Variants in ANKRD6 observed in about 807,000 individuals in gnomAD.
ANKRD6 encodes ankyrin repeat domain-containing protein 6.
In ANKRD6, 56 loss-of-function variants were observed where a neutral mutation model predicts 82.3. That is an observed-to-expected ratio of 0.68 (90% CI 0.55 to 0.85). The LOEUF (loss-of-function observed/expected upper bound fraction) is 0.85, where lower values mean the gene tolerates loss of function less well. Ranked by LOEUF, ANKRD6 falls within the 40% of genes least tolerant of loss-of-function variation. The pLI, the probability that ANKRD6 is intolerant of heterozygous loss-of-function variation, is 0.00. For missense variants in ANKRD6, 852 were observed against 907.6 expected (o/e 0.94, Z 0.79); for synonymous variants, 347 against 352.1 (o/e 0.99, Z 0.16).
intron 1 of ANKRD6, among the ~76,000 whole-genome samples, chr6:89,544,587 G>A (rs1485439145): frequency 1.3e-5 from 2 of 152,042 alleles, no homozygotes; most frequent in African/African-American, 4.8e-5. Context: ...AGTGGCAGGC[G>A]CCTGTAGTTC....
intron 1 of ANKRD6, among the ~76,000 whole-genome samples, chr6:89,534,184 GC>G (rs1211003147): frequency 6.6e-6 from 1 of 152,102 alleles, no homozygotes; most frequent in East Asian, 1.9e-4. Context: ...CAATTTGATG[GC>G]TGACTTGCTG....
intron 2 of ANKRD6, among the ~76,000 whole-genome samples, chr6:89,591,534 G>T (rs1794908366): frequency 6.6e-6 from 1 of 152,174 alleles, no homozygotes; most frequent in Non-Finnish European, 1.5e-5. Context: ...GTGCCTCTAA[G>T]GATCAATTTT....
In ANKRD6 at chr6:89,632,538, T is replaced by A. The variant is rs1807611364; in HGVS notation, c.*1534T>A. 2 of 152,166 alleles carry A rather than the reference T, an allele frequency of 1.3e-5. No individual in the cohort carries two copies. The highest frequency in any genetic ancestry group is 4.8e-5 in the African/African-American group (2 of 41,412). The allele number at this position is 152,166 out of a possible 1,614,324, so 9.4% of individuals were successfully genotyped here. ...GGCTCGTGATCCTCCTGCCTCAACC[T>A]CGCAAGTAGCTTGGGACTACAGGCG... On this transcript the variant is annotated 3_prime_UTR_variant, in exon 16 of 16. Transcript: ENST00000339746.
At chr6:89,447,831 G>A (rs890898419) in intron 1 of ANKRD6, among the ~76,000 whole-genome samples, 2 of 134,274 alleles carry the variant, frequency 1.5e-5, no homozygotes, top group Non-Finnish European at 3.1e-5. Flanking sequence ...GGGATTACAG[G>A]CATGTGCCAC....
chr6:89,505,063 G>C (rs1779689811), intron 1 of ANKRD6: 1 of 152,240 alleles, frequency 6.6e-6, no homozygotes. Context: ...TATGGTTTTA[G>C]TTTCCCTGTG....
At chr6:89,548,993 T>C (rs952768292) in intron 1 of ANKRD6, among the ~76,000 whole-genome samples, 1 of 152,094 alleles carries the variant, frequency 6.6e-6, no homozygotes, top group Non-Finnish European at 1.5e-5. Context: ...AACTGCTTGA[T>C]CCTAGGAGTT....
chr6:89,453,563 T>G lies in ANKRD6; in HGVS notation c.-144+20188T>G, dbSNP rs1343143785. Among the ~76,000 whole-genome samples the G allele has an allele frequency of 5.0e-4, 76 of 151,998 alleles. 2 individuals are homozygous for G. The highest frequency in any genetic ancestry group is 5.9e-5 in the Non-Finnish European group (4 of 67,996). On this transcript the variant is annotated intron_variant, in intron 1 of 15. Transcript: ENST00000339746. ...AAGATTTTATACTTTGTGCTTTCAA[T>G]GTTGGGAAGTGCCTCCAACAATTCC...
intron 1 of ANKRD6, among the ~76,000 whole-genome samples, chr6:89,497,280 AAACTACT>A (rs1778738145): frequency 6.6e-6 from 1 of 152,214 alleles, no homozygotes; most frequent in Non-Finnish European, 1.5e-5. Flanking sequence ...TTGAAGCTTT[AAACTACT>A]ATTTCTTTAT....
chr6:89,583,014 C>T (rs1254499991), intron 2 of ANKRD6, among the ~76,000 whole-genome samples: 4 of 152,298 alleles, frequency 2.6e-5, no homozygotes, highest in South Asian at 2.1e-4. Flanking sequence ...ATTGACTGCA[C>T]GTGTAACCAC....
At position 89,600,005 on chromosome 6, in the gene ANKRD6, C is replaced by T. The variant is rs147880829; in HGVS notation, c.220-3024C>T. Among the ~76,000 whole-genome samples, 386 of 152,148 alleles carry T rather than the reference C, an allele frequency of 2.5e-3. 3 individuals carry two copies. The highest frequency in any genetic ancestry group is 9.0e-3 in the African/African-American group (372 of 41,502). The stretch of plus-strand genomic sequence containing the variant: ...GAAACAGGCAGGACAGCCAAAAGGT[C>T]CCCCAGAGGAAGGGGTGTGCAGGAC... On this transcript the variant is annotated intron_variant, in intron 3 of 15. Coordinates refer to ENST00000339746, the MANE Select transcript of ANKRD6 (RefSeq NM_001242809.2).
chr6:89,531,114 T>C (rs780739736), intron 1 of ANKRD6, among the ~76,000 whole-genome samples: 3 of 152,192 alleles, frequency 2.0e-5, no homozygotes, highest in Non-Finnish European at 4.4e-5. Context: ...TGTGTGTCTA[T>C]GGGAAGGAGA....
intron 2 of ANKRD6, among the ~76,000 whole-genome samples, chr6:89,592,826 C>T (rs1795164839): frequency 6.6e-6 from 1 of 152,154 alleles, no homozygotes; most frequent in Non-Finnish European, 1.5e-5. Flanking sequence ...ACATGGCTCA[C>T]ACCTGTAATC....
chr6:89,599,151 T>A (rs1346411876), intron 3 of ANKRD6, among the ~76,000 whole-genome samples: 1 of 152,058 alleles, frequency 6.6e-6, no homozygotes, highest in Non-Finnish European at 1.5e-5. Context: ...GGAGGAAGGA[T>A]TGCTTGAACC....
Position 89,601,356 on chromosome 6 carries a change from C to G in ANKRD6, c.220-1673C>G, listed in dbSNP as rs567083715. 4.6e-5 allele frequency among the ~76,000 whole-genome samples: 7 copies of G among 152,206 alleles called. No homozygotes were observed. In the South Asian group the frequency reaches 1.2e-3, roughly 27 times the overall value. On this transcript the variant is annotated intron_variant, in intron 3 of 15. Transcript: ENST00000339746. ...ATCTGTCCTCAGTGTCCTGACCCCCCCTCACTGCAGAAATTCCTTACCTTC... is the reference window on the plus strand; with the variant it reads ...ATCTGTCCTCAGTGTCCTGACCCCCGCTCACTGCAGAAATTCCTTACCTTC...
Position 89,621,847 on chromosome 6 carries a change from C to A in ANKRD6, c.793-75C>A, listed in dbSNP as rs1216297866. The A allele has an allele frequency of 2.1e-6, 3 of 1,431,940 alleles. No individual in the cohort carries two copies. In the East Asian group the frequency reaches 7.0e-5, roughly 33 times the overall value. 88.7% of individuals were successfully genotyped at this position (1,431,940 alleles called of 1,614,324 possible). ...TGTAAATTCCATTAGGTCAGAGCCC[C>A]AGGTCCAAGGAGAATTCTCTCACAC... On this transcript the variant is annotated intron_variant, in intron 9 of 15. Transcript: ENST00000339746.
chr6:89,472,766 A>G (rs1462328260), intron 1 of ANKRD6, among the ~76,000 whole-genome samples: 4 of 152,092 alleles, frequency 2.6e-5, no homozygotes, highest in African/African-American at 9.7e-5. Flanking sequence ...AGCTCATCCC[A>G]TTCAGAGACG....
intron 1 of ANKRD6, among the ~76,000 whole-genome samples, chr6:89,500,051 A>C (rs1779091571): frequency 6.6e-6 from 1 of 152,088 alleles, no homozygotes; most frequent in African/African-American, 2.4e-5. Context: ...ATCACACCCC[A>C]GTTTTATGAG....
intron 1 of ANKRD6, among the ~76,000 whole-genome samples, chr6:89,515,916 A>T (rs1583031991): frequency 6.6e-6 from 1 of 152,248 alleles, no homozygotes; most frequent in East Asian, 1.9e-4. Flanking sequence ...GTGAAAACCA[A>T]GGCAGAGATT....
At chr6:89,535,656 G>T (rs1235545091) in intron 1 of ANKRD6, among the ~76,000 whole-genome samples, 1 of 152,182 alleles carries the variant, frequency 6.6e-6, no homozygotes, top group Non-Finnish European at 1.5e-5. Context: ...CCTTATGCAG[G>T]ACAAACTTAA....
Sources: gnomAD v4.1 joint callset for allele counts (sites outside exome capture counted in the v4.1 genomes callset) on GRCh38, gnomAD v4.1.1 for gene constraint, MANE v1.5 for transcripts, NCBI Gene and HGNC (gene_info 2026-07-23, HGNC 2026-07-21) for gene names.